Variants in PSMD14 observed in about 807,000 individuals in gnomAD.
PSMD14 encodes ubiquitin C-terminal hydrolase PSMD14.
Under a neutral mutation model 41.2 loss-of-function variants are expected in PSMD14, and 7 were observed. That is an observed-to-expected ratio of 0.17 (90% confidence interval 0.10 to 0.32). The LOEUF is 0.32. Ranked by LOEUF, PSMD14 falls within the 10% of genes least tolerant of loss-of-function variation. PSMD14 has a pLI of 1.00. For synonymous variants in PSMD14, 114 were observed against 122.3 expected (o/e 0.93, Z 0.45); for missense variants, 139 against 375.6 (o/e 0.37, Z 5.21).
intron 10 of PSMD14, among the ~76,000 whole-genome samples, chr2:161,400,526 C>A (rs1416207931): frequency 1.3e-5 from 2 of 151,990 alleles, no homozygotes; most frequent in African/African-American, 2.4e-5. Context: ...TTGAAAAAAA[C>A]CTCAAACTGC....
At chr2:161,347,921 G>T (rs970041032) in intron 3 of PSMD14, among the ~76,000 whole-genome samples, 2 of 152,186 alleles carry the variant, frequency 1.3e-5, no homozygotes, top group African/African-American at 4.8e-5. Flanking sequence ...CAAACAGTGA[G>T]CTACGGCTTG....
chr2:161,330,293 A>G (rs1050708640), intron 3 of PSMD14, among the ~76,000 whole-genome samples: 1 of 152,230 alleles, frequency 6.6e-6, no homozygotes, highest in Non-Finnish European at 1.5e-5. Context: ...CATTTTTGGT[A>G]GAAAGTATAT....
intron 10 of PSMD14, among the ~76,000 whole-genome samples, chr2:161,400,518 G>GA (rs1310747015): frequency 6.6e-6 from 1 of 151,808 alleles, no homozygotes; most frequent in Non-Finnish European, 1.5e-5. Context: ...ACAACAATTT[G>GA]AAAAAAACCT....
intron 7 of PSMD14, among the ~76,000 whole-genome samples, chr2:161,377,254 G>T (rs1343766864): frequency 3.3e-5 from 5 of 151,896 alleles, no homozygotes; most frequent in Non-Finnish European, 7.4e-5. Context: ...AGTTTTCCAG[G>T]TGGAAAGAGA....
At chr2:161,311,328 T>G (rs1321887613) in intron 1 of PSMD14, among the ~76,000 whole-genome samples, 1 of 151,948 alleles carries the variant, frequency 6.6e-6, no homozygotes, top group Non-Finnish European at 1.5e-5. Flanking sequence ...AAAAAAAAAT[T>G]GCATCTATAT....
At chr2:161,362,603 G>T (rs929026980) in intron 3 of PSMD14, among the ~76,000 whole-genome samples, 1 of 152,108 alleles carries the variant, frequency 6.6e-6, no homozygotes, top group Non-Finnish European at 1.5e-5. Context: ...TGGGCCTTTG[G>T]ATGTTTTTTA....
At chr2:161,343,550 G>A (rs536975357) in intron 3 of PSMD14, among the ~76,000 whole-genome samples, 6 of 152,230 alleles carry the variant, frequency 3.9e-5, no homozygotes, top group East Asian at 1.9e-4. Context: ...TTTGAGGATC[G>A]GGTACAGTGG....
intron 10 of PSMD14, among the ~76,000 whole-genome samples, chr2:161,400,170 T>G (rs1683856634): frequency 1.3e-5 from 2 of 152,206 alleles, no homozygotes; most frequent in Admixed American, 6.5e-5. Flanking sequence ...AAGGTATGTC[T>G]CATATTTCAA....
At chr2:161,357,077 T>TTTTG (rs1388812026) in intron 3 of PSMD14, among the ~76,000 whole-genome samples, 1 of 12,298 alleles carries the variant, frequency 8.1e-5, no homozygotes, top group Non-Finnish European at 2.1e-4. Flanking sequence ...GGCAAATGCC[T>TTTTG]TTTTTTTTTT....
chr2:161,318,252 T>G (rs1384614669), intron 2 of PSMD14, among the ~76,000 whole-genome samples: 1 of 152,212 alleles, frequency 6.6e-6, no homozygotes, highest in Non-Finnish European at 1.5e-5. Context: ...TATGCTATAG[T>G]ATTTCTTTTA....
intron 3 of PSMD14, among the ~76,000 whole-genome samples, chr2:161,358,900 G>T (rs531165079): frequency 6.6e-6 from 1 of 152,214 alleles, no homozygotes; most frequent in Non-Finnish European, 1.5e-5. Context: ...TCTAGCACAT[G>T]AAGTATCTTG....
At chr2:161,369,773 A>T (rs1402776988) in intron 5 of PSMD14, among the ~76,000 whole-genome samples, 3 of 152,052 alleles carry the variant, frequency 2.0e-5, no homozygotes, top group Non-Finnish European at 4.4e-5. Context: ...TTATGATAGG[A>T]TGGCATTAGG....
chr2:161,389,925 TTGCTATGTTG>T (rs1174914899), intron 8 of PSMD14, among the ~76,000 whole-genome samples: 1 of 139,418 alleles, frequency 7.2e-6, no homozygotes, highest in Non-Finnish European at 1.5e-5. Context: ...AGATGGGGTA[TTGCTATGTTG>T]TCCAGGCTGG....
intron 10 of PSMD14, among the ~76,000 whole-genome samples, chr2:161,404,642 A>T (rs1003229486): frequency 6.6e-6 from 1 of 152,152 alleles, no homozygotes; most frequent in African/African-American, 2.4e-5. Flanking sequence ...TATGGCGCTG[A>T]TGACAATTTG....
intron 8 of PSMD14, among the ~76,000 whole-genome samples, chr2:161,389,889 G>GTTTTTTTTTTTTTTTTTTTTTTTTTTTTT: frequency 1.0e-4 from 2 of 20,042 alleles, no homozygotes; most frequent in Admixed American, 6.9e-4. Context: ...CTTTTTTGTT[G>GTTTTTTTTTTTTTTTTTTTTTTTTTTTTT]TTTTTTTTTT....
At chr2:161,396,725 G>A (rs1011936620) in intron 10 of PSMD14, among the ~76,000 whole-genome samples, 2 of 152,130 alleles carry the variant, frequency 1.3e-5, no homozygotes, top group African/African-American at 2.4e-5. Context: ...TGCATAGAAC[G>A]TGAGGGTGAA....
chr2:161,377,263 G>A (rs1011469062), intron 7 of PSMD14, among the ~76,000 whole-genome samples: 1 of 151,888 alleles, frequency 6.6e-6, no homozygotes, highest in African/African-American at 2.4e-5. Context: ...GGTGGAAAGA[G>A]AAAAATAGGA....
At chr2:161,377,701 T>C (rs1230041897) in intron 7 of PSMD14, among the ~76,000 whole-genome samples, 1 of 151,928 alleles carries the variant, frequency 6.6e-6, no homozygotes, top group Non-Finnish European at 1.5e-5. Flanking sequence ...TGCTGTGCAT[T>C]TTGAATGATG....
At chr2:161,343,703 C>G (rs1682999972) in intron 3 of PSMD14, among the ~76,000 whole-genome samples, 2 of 152,170 alleles carry the variant, frequency 1.3e-5, no homozygotes, top group African/African-American at 4.8e-5. Context: ...TGTCCCACCC[C>G]TGTAATTTTA....
Sources: allele counts gnomAD v4.1 joint callset (sites outside exome capture counted in the v4.1 genomes callset), GRCh38; gene constraint gnomAD v4.1.1; transcripts MANE v1.5; gene names NCBI Gene and HGNC (gene_info 2026-07-23, HGNC 2026-07-21).